SEMA6D: variants seen among roughly 807,000 people sequenced by gnomAD.
The protein encoded by SEMA6D is semaphorin 6D.
In SEMA6D, 35 loss-of-function variants were observed where a neutral mutation model predicts 106.6. The observed-to-expected ratio is 0.33, with a 90% CI of 0.25 to 0.44. The LOEUF (loss-of-function observed/expected upper bound fraction) is 0.44, where lower values mean the gene tolerates loss of function less well. Among genes scored for constraint, SEMA6D ranks in the 20% least tolerant of loss-of-function variants. SEMA6D has a pLI of 1.00. For missense variants in SEMA6D, 1,185 were observed against 1,345.9 expected, an observed-to-expected ratio of 0.88 and a Z score of 1.87; for synonymous variants, 499 against 487.7, an observed-to-expected ratio of 1.02 and a Z score of -0.31.
upstream of SEMA6D, among the ~76,000 whole-genome samples, chr15:47,713,441 T>C (rs944635828): frequency 1.3e-5 from 2 of 152,242 alleles, no homozygotes; most frequent in African/African-American, 4.8e-5. Flanking sequence ...ATATGCAGAC[T>C]GTTGACACAA....
intron 3 of SEMA6D, among the ~76,000 whole-genome samples, chr15:47,498,087 G>A (rs1036547301): frequency 3.3e-5 from 5 of 152,060 alleles, no homozygotes; most frequent in African/African-American, 9.7e-5. Flanking sequence ...TTAAAACTAA[G>A]TTCACACTCT....
At chr15:47,738,274 G>C (rs2080574604) in intron 1 of SEMA6D, among the ~76,000 whole-genome samples, 1 of 152,088 alleles carries the variant, frequency 6.6e-6, no homozygotes, top group Admixed American at 6.5e-5. Flanking sequence ...TCCTGTGTTA[G>C]TTTGCTGAGG....
At chr15:47,714,549 G>C (rs890377110), upstream of SEMA6D, among the ~76,000 whole-genome samples, 6 of 152,150 alleles carry the variant, frequency 3.9e-5, no homozygotes, top group African/African-American at 1.4e-4. Context: ...CTTCAAACTG[G>C]ACTGTAAACA....
At chr15:47,402,266 TTTGA>T (rs2040424891) in intron 1 of SEMA6D, among the ~76,000 whole-genome samples, 1 of 152,226 alleles carries the variant, frequency 6.6e-6, no homozygotes, top group South Asian at 2.1e-4. Flanking sequence ...TGGAGCAGCC[TTTGA>T]TTGAAGGTTC....
chr15:47,449,355 A>C (rs1233742677), intron 2 of SEMA6D, among the ~76,000 whole-genome samples: 1 of 152,182 alleles, frequency 6.6e-6, no homozygotes, highest in Non-Finnish European at 1.5e-5. Context: ...ATTGGTCTAG[A>C]CAATGTTAGG....
At chr15:47,588,884 A>G (rs540210602) in intron 3 of SEMA6D, among the ~76,000 whole-genome samples, 108 of 152,316 alleles carry the variant, frequency 7.1e-4, no homozygotes, top group Non-Finnish European at 1.3e-3. Context: ...CCAAGGGGAC[A>G]CTTGGCAATC....
chr15:47,491,579 G>A (rs989099056), intron 3 of SEMA6D, among the ~76,000 whole-genome samples: 2 of 152,134 alleles, frequency 1.3e-5, no homozygotes, highest in Non-Finnish European at 2.9e-5. Context: ...GAATGGCAAG[G>A]TGCTCATTAA....
At chr15:47,201,856 C>T (rs914398272) in intron 1 of SEMA6D, among the ~76,000 whole-genome samples, 5 of 152,098 alleles carry the variant, frequency 3.3e-5, no homozygotes, top group African/African-American at 1.2e-4. Flanking sequence ...CTACTCCTCA[C>T]ATACTTTGCC....
intron 3 of SEMA6D, among the ~76,000 whole-genome samples, chr15:47,520,985 G>C (rs4775693): frequency 0.11 from 17,085 of 152,198 alleles, 1,351 homozygotes; most frequent in East Asian, 0.32. Context: ...CAGTCTAGAT[G>C]TGTCTGAAGA....
intron 4 of SEMA6D, among the ~76,000 whole-genome samples, chr15:47,657,892 C>A (rs908505992): frequency 2.0e-5 from 3 of 151,412 alleles, no homozygotes; most frequent in African/African-American, 7.3e-5. Context: ...AGGGACCCCC[C>A]ACCACGCCCG....
intron 2 of SEMA6D, among the ~76,000 whole-genome samples, chr15:47,418,527 G>A (rs930536678): frequency 1.3e-5 from 2 of 151,934 alleles, no homozygotes; most frequent in African/African-American, 4.8e-5. Flanking sequence ...AAGCTCTCTG[G>A]GATTTTTAAA....
At chr15:47,580,476 G>C (rs912499357) in intron 3 of SEMA6D, among the ~76,000 whole-genome samples, 2 of 152,132 alleles carry the variant, frequency 1.3e-5, no homozygotes, top group African/African-American at 4.8e-5. Context: ...TTTCATGTTT[G>C]TGGTTGTCTT....
chr15:47,738,037 TAAA>T (rs112044411), intron 1 of SEMA6D, among the ~76,000 whole-genome samples: 2 of 144,036 alleles, frequency 1.4e-5, no homozygotes, highest in Non-Finnish European at 1.5e-5. Context: ...CTGATAAACT[TAAA>T]AAAAAAAAAA....
At chr15:47,259,450 T>G (rs1294418425) in intron 1 of SEMA6D, among the ~76,000 whole-genome samples, 1 of 152,164 alleles carries the variant, frequency 6.6e-6, no homozygotes, top group African/African-American at 2.4e-5. Context: ...ATATAAAATT[T>G]ATAGTTGAGA....
In SEMA6D at chr15:47,761,150, T is replaced by C. The variant is rs1321457230; in HGVS notation, c.283-8T>C. On this transcript the variant is annotated splice_region_variant and splice_polypyrimidine_tract_variant and intron_variant, in intron 4 of 18. Transcript: ENST00000536845. Reference sequence around the variant, plus strand: ...AAAAACTGCTTTGGTTTTGCTTGATTAATACAGAAACTGACATGGCGATCA... The same window carrying C: ...AAAAACTGCTTTGGTTTTGCTTGATCAATACAGAAACTGACATGGCGATCA... 3 of 1,613,560 alleles carry C rather than the reference T, an allele frequency of 1.9e-6. No individual in the cohort carries two copies. Among genetic ancestry groups the C allele is most frequent in the Non-Finnish European group, 2.5e-6 (3 of 1,179,800 alleles).
At chr15:47,475,967 G>T (rs1207388976) in intron 3 of SEMA6D, among the ~76,000 whole-genome samples, 1 of 152,128 alleles carries the variant, frequency 6.6e-6, no homozygotes, top group African/African-American at 2.4e-5. Flanking sequence ...TGAATGGAGG[G>T]CCTATAGTGG....
At chr15:47,436,954 AGAAAG>A (rs2041733408) in intron 2 of SEMA6D, among the ~76,000 whole-genome samples, 1 of 144,112 alleles carries the variant, frequency 6.9e-6, no homozygotes, top group African/African-American at 2.5e-5. Flanking sequence ...AAATAAAAGA[AGAAAG>A]GAAGGAGGCA....
chr15:47,254,878 TG>T (rs2033716630), intron 1 of SEMA6D, among the ~76,000 whole-genome samples: 10 of 135,036 alleles, frequency 7.4e-5, no homozygotes, highest in African/African-American at 2.0e-4. Context: ...TGTGGTTTTG[TG>T]TGTGTGTGTG....
At chr15:47,718,235 C>G (rs1335627775) in intron 1 of SEMA6D, among the ~76,000 whole-genome samples, 3 of 152,212 alleles carry the variant, frequency 2.0e-5, no homozygotes, top group Non-Finnish European at 4.4e-5. Context: ...CCCTCCCGCC[C>G]GTTGGCCCCA....
Sources: allele counts gnomAD v4.1 joint callset (sites outside exome capture counted in the v4.1 genomes callset), GRCh38; gene constraint gnomAD v4.1.1; transcripts MANE v1.5; gene names NCBI Gene and HGNC (gene_info 2026-07-23, HGNC 2026-07-21).